Variants in KMT2C observed in about 807,000 individuals in gnomAD.
KMT2C encodes the protein lysine methyltransferase 2C, also known as histone-lysine N-methyltransferase 2C.
Under a neutral mutation model 507.9 loss-of-function variants are expected in KMT2C, and 88 were observed. The ratio of observed to expected loss-of-function variants is 0.17; its 90% CI spans 0.15 to 0.21. The LOEUF is 0.21. Among genes scored for constraint, KMT2C ranks in the 10% least tolerant of loss-of-function variants. The probability of loss-of-function intolerance (pLI) is 1.00; values close to 1 mark genes in which losing one functional copy is unlikely to be tolerated. For synonymous variants in KMT2C, 2,049 were observed against 2,080.8 expected, an observed-to-expected ratio of 0.98 and a Z score of 0.42; for missense variants, 4,954 against 5,957.8, an observed-to-expected ratio of 0.83 and a Z score of 5.55.
At chr7:152,169,106 C>A in intron 41 of KMT2C, 80 bp downstream of exon 41, 3 of 897,812 alleles carry the variant, frequency 3.3e-6, no homozygotes, top group Admixed American at 1.8e-5. Context: ...TACCTACACT[C>A]ACTTCAGGTT....
intron 6 of KMT2C, among the ~76,000 whole-genome samples, chr7:152,280,343 C>A (rs2096182585): frequency 4.0e-5 from 6 of 151,866 alleles, no homozygotes; most frequent in South Asian, 4.2e-4. Flanking sequence ...GAGATCAAGA[C>A]CATCCTGGCT....
intron 42 of KMT2C, among the ~76,000 whole-genome samples, chr7:152,166,232 C>T (rs1230551144): frequency 2.0e-5 from 3 of 151,860 alleles, no homozygotes; most frequent in Non-Finnish European, 4.4e-5. Context: ...AGGGATTCTC[C>T]TGCCTCAGCC....
intron 1 of KMT2C, among the ~76,000 whole-genome samples, chr7:152,385,141 C>T (rs1001191544): frequency 6.6e-6 from 1 of 152,064 alleles, no homozygotes; most frequent in Non-Finnish European, 1.5e-5. Context: ...AGAGAAACAT[C>T]GGGGATAAAC....
At chr7:152,367,464 C>T (rs1407551955) in intron 1 of KMT2C, 27 of 774,084 alleles carry the variant, frequency 3.5e-5, no homozygotes, top group Non-Finnish European at 6.0e-5. Flanking sequence ...ACAATCTACC[C>T]ACCTCGGCCT....
chr7:152,391,142 CAAAA>C (rs1195125465), intron 1 of KMT2C, among the ~76,000 whole-genome samples: 98 of 34,760 alleles, frequency 2.8e-3, no homozygotes, highest in African/African-American at 6.2e-3. Context: ...AGACTGTCTC[CAAAA>C]AAAAAAAAAA....
intron 2 of KMT2C, among the ~76,000 whole-genome samples, chr7:152,349,416 C>A (rs973830680): frequency 1.3e-5 from 2 of 151,560 alleles, no homozygotes; most frequent in African/African-American, 4.9e-5. Context: ...TGCACTCCAG[C>A]CTGGGAATAC....
chr7:152,395,481 GC>G (rs750306666), intron 1 of KMT2C, among the ~76,000 whole-genome samples: 28 of 151,696 alleles, frequency 1.8e-4, no homozygotes, highest in African/African-American at 1.2e-4. Flanking sequence ...GAGCCACAGT[GC>G]CTAACCATTT....
At chr7:152,416,419 C>A (rs143328622) in intron 1 of KMT2C, among the ~76,000 whole-genome samples, 15 of 151,010 alleles carry the variant, frequency 9.9e-5, no homozygotes, top group East Asian at 8.0e-4. Flanking sequence ...GTGGCAGGCA[C>A]CTGTAGTCCC....
chr7:152,174,250 A>C lies in KMT2C; in HGVS notation c.9263-8T>G, dbSNP rs1174765300. The C allele has an allele frequency of 2.2e-6, 3 of 1,383,660 alleles. No homozygotes were observed. Among genetic ancestry groups the C allele is most frequent in the South Asian group, 2.4e-5 (2 of 83,172 alleles). The allele number at this position is 1,383,660 out of a possible 1,614,324, so 85.7% of individuals were successfully genotyped here. Reference sequence around the variant, plus strand: ...CTGTAATTGCATCAAAATCTAGAAAAGAAATATAAAGTTACTTATTTCATA... The same window carrying C: ...CTGTAATTGCATCAAAATCTAGAAACGAAATATAAAGTTACTTATTTCATA... On this transcript the variant is annotated splice_polypyrimidine_tract_variant and splice_region_variant and intron_variant, in intron 38 of 58. Coordinates refer to ENST00000262189, the MANE Select transcript of KMT2C (RefSeq NM_170606.3).
intron 6 of KMT2C, among the ~76,000 whole-genome samples, chr7:152,302,617 G>C (rs1176425284): frequency 1.3e-5 from 2 of 152,012 alleles, no homozygotes; most frequent in Non-Finnish European, 2.9e-5. Context: ...GAAGAGAAAG[G>C]AGCTTCCTTT....
At chr7:152,235,696 G>T (rs143658980) in intron 16 of KMT2C, 121 bp downstream of exon 16, 2 of 735,390 alleles carry the variant, frequency 2.7e-6, no homozygotes, top group African/African-American at 1.8e-5. Context: ...AGCAAAGTAG[G>T]ACAGTAAAAT....
Position 152,151,956 on chromosome 7 carries a change from A to T in KMT2C, c.12527-375T>A, listed in dbSNP as rs143885455. ...AACATTTTATGAAAGATACAATGAC[A>T]TATGTATAAGAGTCTTAAATAAGTG... is the stretch of plus-strand genomic sequence containing the variant. On this transcript the variant is annotated intron_variant, in intron 49 of 58. Transcript: ENST00000262189. Among the ~76,000 whole-genome samples the T allele has an allele frequency of 5.1e-3, 784 of 152,374 alleles. 6 individuals carry two copies. The highest frequency in any genetic ancestry group is 0.018 in the African/African-American group (746 of 41,590).
At chr7:152,402,535 T>TTCATGACTAAGAATTCATGAATTG (rs1334493293) in intron 1 of KMT2C, among the ~76,000 whole-genome samples, 668 of 131,192 alleles carry the variant, frequency 5.1e-3, no homozygotes, top group Middle Eastern at 0.012. Flanking sequence ...TTCATGAATT[T>TTCATGACTAAGAATTCATGAATTG]AAAGAATTCA....
chr7:152,249,882 TAAG>T lies in KMT2C; in HGVS notation c.1804_1806del (p.Leu602del), dbSNP rs1349224056. The T allele has an allele frequency of 1.4e-5, 22 of 1,576,386 alleles. No homozygotes were observed. Among genetic ancestry groups the T allele is most frequent in the East Asian group, 2.2e-5 (1 of 44,580 alleles). ...ATATGAACATACTGCTTACCAGCAA[TAAG>T]AAGACTATCTGTGTCAAGACTTTCT... is the stretch of plus-strand genomic sequence containing the variant. On this transcript the variant is annotated inframe_deletion, in exon 13 of 59. Transcript: ENST00000262189.
chr7:152,245,139 T>C (rs577429201), intron 14 of KMT2C, among the ~76,000 whole-genome samples: 1 of 152,346 alleles, frequency 6.6e-6, no homozygotes, highest in African/African-American at 2.4e-5. Context: ...TTAGCAATTA[T>C]CTGCATTAAA....
rs560853000 is a variant in KMT2C at position 152,384,044 on chromosome 7, C to CTG, written c.162-25371_162-25370dup. ...AGATCCGAGAGGCAGACATGTGTGT[C>CTG]TGTGTGTGTGTGCGTGTGTGTAGGC... On this transcript the variant is annotated intron_variant, in intron 1 of 58. Coordinates refer to ENST00000262189, the MANE Select transcript of KMT2C (RefSeq NM_170606.3). 5.3e-3 allele frequency among the ~76,000 whole-genome samples: 798 copies of CTG among 149,880 alleles called. 9 individuals carry two copies. Among genetic ancestry groups the CTG allele is most frequent in the African/African-American group, 0.019 (764 of 39,940 alleles).
intron 6 of KMT2C, among the ~76,000 whole-genome samples, chr7:152,306,609 G>A (rs2096617516): frequency 6.6e-6 from 1 of 152,120 alleles, no homozygotes; most frequent in African/African-American, 2.4e-5. Flanking sequence ...TATTGTTAGA[G>A]GCATATTCAG....
chr7:152,384,585 C>CACTAAA (rs2097405737), intron 1 of KMT2C, among the ~76,000 whole-genome samples: 11 of 149,854 alleles, frequency 7.3e-5, no homozygotes, highest in African/African-American at 2.2e-4. Flanking sequence ...CCACCACCAC[C>CACTAAA]ACCACCACCA....
chr7:152,195,095 A>G (rs1431676446), intron 28 of KMT2C, among the ~76,000 whole-genome samples: 1 of 152,134 alleles, frequency 6.6e-6, no homozygotes, highest in Admixed American at 6.6e-5. Context: ...GATTATGTAC[A>G]TTACATTTTA....
Sources: gnomAD v4.1 joint callset for allele counts (sites outside exome capture counted in the v4.1 genomes callset) on GRCh38, gnomAD v4.1.1 for gene constraint, MANE v1.5 for transcripts, NCBI Gene and HGNC (gene_info 2026-07-23, HGNC 2026-07-21) for gene names.